The following SYN2 variants were observed in gnomAD, a reference collection of about 807,000 sequenced individuals.
SYN2 encodes synapsin II.
In SYN2, 19 loss-of-function variants were observed where a neutral mutation model predicts 50.9. The ratio of observed to expected loss-of-function variants is 0.37; its 90% confidence interval spans 0.26 to 0.55. SYN2 has a LOEUF of 0.55. SYN2 is among the 20% of genes least tolerant of loss of function. The pLI, the probability that SYN2 is intolerant of heterozygous loss-of-function variation, is 0.81. For synonymous variants in SYN2, 255 were observed against 224.9 expected, an observed-to-expected ratio of 1.13 and a Z score of -1.20; for missense variants, 587 against 576.4, an observed-to-expected ratio of 1.02 and a Z score of -0.19.
In SYN2 at chr3:12,167,170, T is replaced by G. The variant is rs1697820524; in HGVS notation, c.981-64T>G. ...ACAGTGAACTAAAATTCTGGAAAGT[T>G]GCATGCCCTCCTCTTGCTGGTGTGG... is the stretch of plus-strand genomic sequence containing the variant. On this transcript the variant is annotated intron_variant, in intron 7 of 12. Coordinates refer to ENST00000621198, the MANE Select transcript of SYN2 (RefSeq NM_133625.6). 36 of 1,540,210 alleles carry G rather than the reference T, an allele frequency of 2.3e-5. No individual in the cohort carries two copies. The South Asian group carries it at 3.3e-4, about 14-fold the overall frequency.
chr3:12,145,381 A>G (rs928867086), intron 3 of SYN2, among the ~76,000 whole-genome samples: 2 of 152,136 alleles, frequency 1.3e-5, no homozygotes, highest in South Asian at 2.1e-4. Flanking sequence ...TCCAAAACAT[A>G]AAGAATTAGC....
At chr3:12,027,653 G>A (rs1401971778) in intron 1 of SYN2, among the ~76,000 whole-genome samples, 3 of 152,172 alleles carry the variant, frequency 2.0e-5, no homozygotes, top group African/African-American at 7.2e-5. Flanking sequence ...TCTTCAAAGA[G>A]ATATTATCTC....
At chr3:12,158,929 C>G (rs990678396) in intron 5 of SYN2, 1 of 1,423,690 alleles carries the variant, frequency 7.0e-7, no homozygotes, top group Non-Finnish European at 9.2e-7. Context: ...GTGCCCCTCG[C>G]CCCAGGCTTT....
At chr3:12,167,102 C>T in intron 7 of SYN2, 132 bp from the exon 8 acceptor site, 3 of 870,144 alleles carry the variant, frequency 3.4e-6, no homozygotes, top group Admixed American at 2.1e-5. Context: ...GCTCAGCAGA[C>T]AGACCCCTGG....
chr3:12,094,559 G>A (rs769133789), intron 1 of SYN2, among the ~76,000 whole-genome samples: 16 of 152,204 alleles, frequency 1.1e-4, no homozygotes, highest in Non-Finnish European at 2.4e-4. Flanking sequence ...TTTACTTTTT[G>A]TGTAACCACA....
At chr3:12,105,469 C>A (rs1696165815) in intron 1 of SYN2, among the ~76,000 whole-genome samples, 1 of 133,596 alleles carries the variant, frequency 7.5e-6, no homozygotes, top group African/African-American at 2.8e-5. Flanking sequence ...TTTTCAGGGG[C>A]TACCTAGGAC....
chr3:12,161,960 G>T, intron 6 of SYN2, 52 bp from the exon 7 acceptor site: 3 of 1,605,178 alleles, frequency 1.9e-6, no homozygotes, highest in Non-Finnish European at 2.6e-6. Flanking sequence ...ACTTCTCAGT[G>T]TGTGTATGTG....
chr3:12,071,591 G>A, intron 1 of SYN2: 1 of 343,776 alleles, frequency 2.9e-6, no homozygotes, highest in East Asian at 7.4e-5. Flanking sequence ...TTTGTAGAAT[G>A]CCTATACATA....
intron 1 of SYN2, among the ~76,000 whole-genome samples, chr3:12,137,131 C>G (rs1405985156): frequency 1.3e-5 from 2 of 151,930 alleles, no homozygotes; most frequent in Non-Finnish European, 2.9e-5. Context: ...GCCTGTAGTT[C>G]CAGTTACTCT....
chr3:12,134,311 A>G (rs1028743752), intron 1 of SYN2, among the ~76,000 whole-genome samples: 5 of 152,230 alleles, frequency 3.3e-5, no homozygotes, highest in Non-Finnish European at 5.9e-5. Flanking sequence ...GTTGTAAAAA[A>G]TCATTTGGAG....
intron 1 of SYN2, among the ~76,000 whole-genome samples, chr3:12,066,170 A>T (rs900750523): frequency 6.6e-6 from 1 of 152,212 alleles, no homozygotes; most frequent in Non-Finnish European, 1.5e-5. Flanking sequence ...AAATCTGGAT[A>T]AAGTATGCAC....
intron 1 of SYN2, among the ~76,000 whole-genome samples, chr3:12,108,008 T>G (rs1239422682): frequency 6.6e-6 from 1 of 151,754 alleles, no homozygotes; most frequent in Admixed American, 6.6e-5. Flanking sequence ...CTCAGGAGTT[T>G]GAGACCAGCC....
chr3:12,102,274 A>C (rs1476749201), intron 1 of SYN2, among the ~76,000 whole-genome samples: 1 of 152,146 alleles, frequency 6.6e-6, no homozygotes, highest in Non-Finnish European at 1.5e-5. Flanking sequence ...TATCATTGCT[A>C]ATTCATTTGC....
chr3:12,156,735 C>A, intron 5 of SYN2: 1 of 1,104,870 alleles, frequency 9.1e-7, no homozygotes. Context: ...GCCTACTGCC[C>A]AAGGAAGACC....
intron 11 of SYN2, chr3:12,184,935 T>C (rs909745474): frequency 8.7e-5 from 86 of 985,552 alleles, no homozygotes; most frequent in Non-Finnish European, 1.0e-4. Context: ...CTCTATACTG[T>C]CATGTCACCG....
chr3:12,076,369 T>C (rs936936339), intron 1 of SYN2, among the ~76,000 whole-genome samples: 1 of 152,098 alleles, frequency 6.6e-6, no homozygotes, highest in Non-Finnish European at 1.5e-5. Flanking sequence ...TAATTGTTTT[T>C]TGAACCTAGA....
intron 1 of SYN2, among the ~76,000 whole-genome samples, chr3:12,108,403 G>T (rs1696244236): frequency 6.6e-6 from 1 of 152,042 alleles, no homozygotes; most frequent in Admixed American, 6.6e-5. Flanking sequence ...ACTATAATAC[G>T]GTTCTTAACA....
intron 1 of SYN2, among the ~76,000 whole-genome samples, chr3:12,049,921 A>G (rs1694818780): frequency 6.6e-6 from 1 of 152,108 alleles, no homozygotes. Flanking sequence ...CAATCTCGAC[A>G]GTTTTTGTTT....
intron 1 of SYN2, among the ~76,000 whole-genome samples, chr3:12,138,732 G>A (rs1696953404): frequency 6.6e-6 from 1 of 152,236 alleles, no homozygotes; most frequent in Non-Finnish European, 1.5e-5. Flanking sequence ...TAATGTCTCT[G>A]AGATTTACCT....
Sources: allele counts gnomAD v4.1 joint callset (sites outside exome capture counted in the v4.1 genomes callset), GRCh38; gene constraint gnomAD v4.1.1; transcripts MANE v1.5; gene names NCBI Gene and HGNC (gene_info 2026-07-23, HGNC 2026-07-21).